ADAMTSL3: variants seen among roughly 807,000 people sequenced by gnomAD.
ADAMTSL3 encodes the protein ADAMTS like 3.
In ADAMTSL3, 128 loss-of-function variants were observed where a neutral mutation model predicts 201.7. The observed-to-expected ratio is 0.63, with a 90% CI of 0.55 to 0.73. The LOEUF is 0.73. Among genes scored for constraint, ADAMTSL3 ranks in the 30% least tolerant of loss-of-function variants. The probability of loss-of-function intolerance (pLI) is 0.00; values close to 1 mark genes in which losing one functional copy is unlikely to be tolerated. For synonymous variants in ADAMTSL3, 738 were observed against 748.4 expected (o/e 0.99, Z 0.23); for missense variants, 1,990 against 2,119.6 (o/e 0.94, Z 1.20).
chr15:83,784,644 G>T (rs1383673335), intron 4 of ADAMTSL3, among the ~76,000 whole-genome samples: 1 of 151,816 alleles, frequency 6.6e-6, no homozygotes, highest in African/African-American at 2.4e-5. Context: ...TTTTACCTCT[G>T]CTAATTTGGA....
chr15:83,982,629 C>T lies in ADAMTSL3; in HGVS notation c.3001C>T (p.Arg1001Trp), dbSNP rs144577410. 7.4e-5 allele frequency: 119 copies of T among 1,614,042 alleles called. No individual in the cohort carries two copies. Among genetic ancestry groups the T allele is most frequent in the Admixed American group, 8.3e-5 (5 of 60,004 alleles). The part of the protein sequence containing the change: ...VVLKLIGTDN[R>W]LIARPALREP... ...GCTCAAGCTCATTGGTACTGACAAC[C>T]GGCTCATCGCACGCCCAGCCCTCAG... Residue 1001 changes from arginine to tryptophan, a missense_variant, in exon 21 of 30, where the codon CGG becomes TGG. By Grantham distance (101) the Arg-to-Trp change is moderately radical. Transcript: ENST00000286744.
chr15:83,665,157 CGT>C (rs1229065374), intron 2 of ADAMTSL3, among the ~76,000 whole-genome samples: 1 of 152,008 alleles, frequency 6.6e-6, no homozygotes, highest in Non-Finnish European at 1.5e-5. Flanking sequence ...AGGATATGAA[CGT>C]GGGGATGATG....
At chr15:83,969,513 C>T (rs1235724531) in intron 19 of ADAMTSL3, among the ~76,000 whole-genome samples, 1 of 152,134 alleles carries the variant, frequency 6.6e-6, no homozygotes, top group South Asian at 2.1e-4. Context: ...AAATATGGTA[C>T]TGTATATACA....
At chr15:83,736,156 G>C (rs2062366395) in intron 3 of ADAMTSL3, among the ~76,000 whole-genome samples, 1 of 152,180 alleles carries the variant, frequency 6.6e-6, no homozygotes, top group Non-Finnish European at 1.5e-5. Context: ...TTCCTCAGCA[G>C]TCCTGGTGGG....
chr15:83,742,308 A>G, intron 3 of ADAMTSL3, among the ~76,000 whole-genome samples: 1 of 152,280 alleles, frequency 6.6e-6, no homozygotes, highest in South Asian at 2.1e-4. Flanking sequence ...AAAATTTTCA[A>G]ACAGCCTTAT....
In ADAMTSL3 at chr15:83,654,347, G is replaced by A. The variant is rs2061046911; in HGVS notation, c.-34+71G>A. On this transcript the variant is annotated intron_variant, in intron 1 of 29. Coordinates refer to ENST00000286744, the MANE Select transcript of ADAMTSL3 (RefSeq NM_207517.3). This position sits in a 1 kb window ranked among gnomAD's most constrained non-coding sequence, Gnocchi z 5.3. ...GGAAGGCGCTCCCCAGAGGGAGTAA[G>A]ACTTGGAGCAGTGGCCTCTCTAAGC... is the stretch of plus-strand genomic sequence containing the variant. 1 of 152,452 alleles carries A rather than the reference G, an allele frequency of 6.6e-6. No homozygotes were observed. The highest frequency in any genetic ancestry group is 2.1e-4 in the South Asian group (1 of 4,836). The allele number at this position is 152,452 out of a possible 1,614,324, so 9.4% of individuals were successfully genotyped here.
intron 2 of ADAMTSL3, among the ~76,000 whole-genome samples, chr15:83,663,368 T>C (rs993040739): frequency 5.9e-5 from 9 of 152,214 alleles, no homozygotes; most frequent in Admixed American, 4.6e-4. Flanking sequence ...ATTGTAGTTA[T>C]GGTTATACCA....
At chr15:83,797,216 A>G (rs2063440706) in intron 4 of ADAMTSL3, among the ~76,000 whole-genome samples, 1 of 152,220 alleles carries the variant, frequency 6.6e-6, no homozygotes, top group South Asian at 2.1e-4. Flanking sequence ...AGAGGCTAGT[A>G]GAAAAGTGGG....
intron 7 of ADAMTSL3, among the ~76,000 whole-genome samples, chr15:83,858,103 T>A (rs997697565): frequency 1.3e-5 from 2 of 152,222 alleles, no homozygotes; most frequent in Non-Finnish European, 2.9e-5. Flanking sequence ...TTTAGCCTTA[T>A]TGAGCCATAT....
At chr15:83,707,522 C>T (rs2061870167) in intron 3 of ADAMTSL3, among the ~76,000 whole-genome samples, 1 of 152,134 alleles carries the variant, frequency 6.6e-6, no homozygotes, top group African/African-American at 2.4e-5. Context: ...AGTATTTTTA[C>T]ACCTGTGTAG....
At chr15:83,800,101 TCGCC>T (rs1241340620) in intron 4 of ADAMTSL3, among the ~76,000 whole-genome samples, 2,085 of 152,224 alleles carry the variant, frequency 0.014, 52 homozygotes, top group African/African-American at 0.045. Context: ...TTAAAAATGG[TCGCC>T]AGGTGGTTGG....
At chr15:83,992,240 T>A (rs992089750) in intron 23 of ADAMTSL3, among the ~76,000 whole-genome samples, 3 of 152,154 alleles carry the variant, frequency 2.0e-5, no homozygotes, top group African/African-American at 7.2e-5. Context: ...TTTCAGGCTC[T>A]CCCTCCACTG....
At chr15:83,961,191 A>G (rs2066963016) in intron 19 of ADAMTSL3, among the ~76,000 whole-genome samples, 1 of 152,232 alleles carries the variant, frequency 6.6e-6, no homozygotes, top group Non-Finnish European at 1.5e-5. Flanking sequence ...ATTACAAGCA[A>G]CAACTTAAGA....
chr15:83,885,989 G>T (rs1408752662), intron 10 of ADAMTSL3, among the ~76,000 whole-genome samples: 1 of 152,128 alleles, frequency 6.6e-6, no homozygotes, highest in Non-Finnish European at 1.5e-5. Flanking sequence ...CTCCCAAAGT[G>T]CTGGGATTAC....
At chr15:83,768,903 A>T (rs890678336) in intron 3 of ADAMTSL3, among the ~76,000 whole-genome samples, 2 of 152,202 alleles carry the variant, frequency 1.3e-5, no homozygotes, top group African/African-American at 4.8e-5. Flanking sequence ...TGGCTGCTGG[A>T]GACGGCATTG....
At chr15:83,761,166 T>G (rs778505556) in intron 3 of ADAMTSL3, among the ~76,000 whole-genome samples, 11 of 152,162 alleles carry the variant, frequency 7.2e-5, no homozygotes, top group Non-Finnish European at 1.5e-4. Flanking sequence ...GCTTAAAACA[T>G]CTATCCTTGA....
chr15:83,714,249 C>G (rs993031944), intron 3 of ADAMTSL3, among the ~76,000 whole-genome samples: 6 of 152,172 alleles, frequency 3.9e-5, no homozygotes, highest in African/African-American at 7.2e-5. Flanking sequence ...TTCAATGAAA[C>G]TGGTAGCCTG....
At chr15:83,827,681 T>A (rs1318430303) in intron 6 of ADAMTSL3, among the ~76,000 whole-genome samples, 1 of 152,212 alleles carries the variant, frequency 6.6e-6, no homozygotes, top group Non-Finnish European at 1.5e-5. Flanking sequence ...CTTGAATTAA[T>A]TTTTGTATAA....
intron 23 of ADAMTSL3, among the ~76,000 whole-genome samples, chr15:83,992,288 C>A (rs2067595169): frequency 1.3e-5 from 2 of 152,186 alleles, no homozygotes; most frequent in Admixed American, 6.5e-5. Context: ...AAAGCTGCAC[C>A]TTTGGCTCTA....
Sources: gnomAD v4.1 joint callset for allele counts (sites outside exome capture counted in the v4.1 genomes callset) on GRCh38, gnomAD v4.1.1 for gene constraint, Gnocchi (gnomAD v3.1) non-coding constraint, MANE v1.5 for transcripts, NCBI Gene and HGNC (gene_info 2026-07-23, HGNC 2026-07-21) for gene names.